The following NEDD9 variants were observed in gnomAD, a reference collection of about 807,000 sequenced individuals.
The protein encoded by NEDD9 is neural precursor cell expressed, developmentally down-regulated 9.
NEDD9 carries 26 observed loss-of-function variants against 76.6 expected under a neutral mutation model. The observed-to-expected ratio is 0.34, with a 90% CI of 0.25 to 0.47. The LOEUF (loss-of-function observed/expected upper bound fraction) is 0.47, where lower values mean the gene tolerates loss of function less well. NEDD9 is among the 20% of genes least tolerant of loss of function. The pLI is 1.00. For missense variants in NEDD9, 937 were observed against 1,058.5 expected (o/e 0.89, Z 1.59); for synonymous variants, 392 against 414.2 (o/e 0.95, Z 0.65).
At chr6:11,331,756 C>A (rs1003685780) in intron 2 of NEDD9, among the ~76,000 whole-genome samples, 1 of 152,106 alleles carries the variant, frequency 6.6e-6, no homozygotes, top group Non-Finnish European at 1.5e-5. Context: ...GGAATAAGGT[C>A]AATTAAACCT....
chr6:11,224,635 A>G (rs1307245664), intron 1 of NEDD9, among the ~76,000 whole-genome samples: 1 of 151,932 alleles, frequency 6.6e-6, no homozygotes, highest in Non-Finnish European at 1.5e-5. Context: ...GAAAAAAAAA[A>G]TCTCATCGAC....
chr6:11,270,615 C>T (rs1760283643), intron 3 of NEDD9, among the ~76,000 whole-genome samples: 1 of 152,222 alleles, frequency 6.6e-6, no homozygotes, highest in Non-Finnish European at 1.5e-5. Context: ...ATAGCAACAT[C>T]CCCAGCAGCC....
chr6:11,236,104 A>G (rs1759593724), upstream of NEDD9, among the ~76,000 whole-genome samples: 1 of 152,222 alleles, frequency 6.6e-6, no homozygotes, highest in African/African-American at 2.4e-5. This position sits in a 1 kb window ranked among gnomAD's most constrained non-coding sequence, Gnocchi z 5.5. Context: ...TGAATACAGA[A>G]ACAATTCCCT....
intron 3 of NEDD9, among the ~76,000 whole-genome samples, chr6:11,276,874 T>C (rs531183507): frequency 4.4e-4 from 67 of 152,160 alleles, no homozygotes; most frequent in African/African-American, 1.5e-3. Context: ...AGGAACATAA[T>C]GGAGGAACAA....
intron 1 of NEDD9, among the ~76,000 whole-genome samples, chr6:11,343,143 A>G (rs1582039933): frequency 6.6e-6 from 1 of 152,154 alleles, no homozygotes; most frequent in Non-Finnish European, 1.5e-5. Flanking sequence ...AAAAAAGGTA[A>G]CTTCGGCCCA....
intron 2 of NEDD9, among the ~76,000 whole-genome samples, chr6:11,319,605 GCACACT>G (rs1038392382): frequency 2.0e-4 from 19 of 95,766 alleles, no homozygotes; most frequent in Non-Finnish European, 3.4e-4. Context: ...CACTAACCAT[GCACACT>G]CACACTCACA....
chr6:11,220,156 C>T (rs1729139974), intron 1 of NEDD9, among the ~76,000 whole-genome samples: 1 of 152,174 alleles, frequency 6.6e-6, no homozygotes, highest in South Asian at 2.1e-4. Context: ...TCCCACTAAT[C>T]CCTGGCATCC....
intron 2 of NEDD9, chr6:11,200,829 A>G (rs544745797): frequency 1.3e-6 from 2 of 1,500,956 alleles, no homozygotes; most frequent in East Asian, 2.4e-5. Flanking sequence ...TCACCAGAGC[A>G]GCTCAAGACA....
chr6:11,316,512 G>A lies in NEDD9; in HGVS notation c.-152-10357C>T, dbSNP rs62395337. ...TCAGTTGCCTCTGTCTTAGCTCACA[G>A]TCTCTCTCCTGGACTGTTGCAATTG... On this transcript the variant is annotated intron_variant, in intron 2 of 3. Transcript: ENST00000397378. Among the ~76,000 whole-genome samples the A allele has an allele frequency of 6.9e-3, 1,055 of 152,284 alleles. 11 individuals are homozygous for A. Among genetic ancestry groups the A allele is most frequent in the Non-Finnish European group, 0.011 (753 of 68,030 alleles).
chr6:11,266,042 G>A (rs368168273), intron 3 of NEDD9, among the ~76,000 whole-genome samples: 1 of 151,956 alleles, frequency 6.6e-6, no homozygotes, highest in Non-Finnish European at 1.5e-5. Flanking sequence ...AAGGGAGAGG[G>A]GGTGGGAAGG....
intron 2 of NEDD9, among the ~76,000 whole-genome samples, chr6:11,212,213 T>G (rs1046153197): frequency 6.6e-6 from 1 of 152,238 alleles, no homozygotes; most frequent in African/African-American, 2.4e-5. Context: ...AATTCAGGGA[T>G]ATCTTCTTAT....
intron 1 of NEDD9, chr6:11,214,150 G>A: frequency 1.9e-6 from 1 of 514,990 alleles, no homozygotes; most frequent in South Asian, 1.4e-5. Context: ...TATTGGAGGT[G>A]AAAAGAGTAA....
At chr6:11,274,365 A>G (rs1760375246) in intron 3 of NEDD9, among the ~76,000 whole-genome samples, 1 of 152,022 alleles carries the variant, frequency 6.6e-6, no homozygotes, top group Admixed American at 6.6e-5. Context: ...CATCTCACTC[A>G]CCTGGCCCTC....
intron 1 of NEDD9, among the ~76,000 whole-genome samples, chr6:11,374,789 T>C (rs964555894): frequency 6.6e-6 from 1 of 152,244 alleles, no homozygotes; most frequent in Non-Finnish European, 1.5e-5. Context: ...CATATAGAAC[T>C]TTTCCCCAAG....
At chr6:11,230,334 C>T (rs924268473) in intron 1 of NEDD9, among the ~76,000 whole-genome samples, 1 of 152,188 alleles carries the variant, frequency 6.6e-6, no homozygotes, top group Non-Finnish European at 1.5e-5. Flanking sequence ...GGAGCCAGAT[C>T]GCCTTAGTTC....
intron 2 of NEDD9, among the ~76,000 whole-genome samples, chr6:11,208,092 C>T (rs1470521579): frequency 1.3e-5 from 2 of 151,646 alleles, no homozygotes; most frequent in East Asian, 1.9e-4. Flanking sequence ...GAATGAGAAT[C>T]GCTTGAACCC....
At chr6:11,207,093 GGTGTGTACGTATTTTGTGT>G (rs1758639596) in intron 2 of NEDD9, among the ~76,000 whole-genome samples, 2 of 152,120 alleles carry the variant, frequency 1.3e-5, no homozygotes, top group African/African-American at 4.8e-5. Flanking sequence ...GTATTTTTTG[GGTGTGTACGTATTTTGTGT>G]GTGTATAGGC....
intron 2 of NEDD9, among the ~76,000 whole-genome samples, chr6:11,330,545 A>G (rs959138664): frequency 1.3e-5 from 2 of 152,004 alleles, no homozygotes; most frequent in Admixed American, 6.6e-5. Context: ...CCTCATATAC[A>G]CTCTGCTGAG....
chr6:11,199,008 G>A (rs1038869653), intron 2 of NEDD9: 2 of 152,270 alleles, frequency 1.3e-5, no homozygotes, highest in African/African-American at 4.8e-5. Flanking sequence ...GGCAGGCAAG[G>A]AGGGCTGCTG....
Sources: allele counts gnomAD v4.1 joint callset (sites outside exome capture counted in the v4.1 genomes callset), GRCh38; gene constraint gnomAD v4.1.1; non-coding constraint Gnocchi (gnomAD v3.1); transcripts MANE v1.5; gene names NCBI Gene and HGNC (gene_info 2026-07-23, HGNC 2026-07-21).